The following PDE4DIP variants were observed in gnomAD, a reference collection of about 807,000 sequenced individuals.
PDE4DIP encodes the protein myomegalin.
Under a neutral mutation model 221.4 loss-of-function variants are expected in PDE4DIP, and 59 were observed. The observed-to-expected ratio is 0.27, with a 90% CI of 0.22 to 0.33. The LOEUF is 0.33. PDE4DIP is among the 10% of genes least tolerant of loss of function. PDE4DIP has a pLI of 1.00. For missense variants in PDE4DIP, 1,036 were observed against 2,154.2 expected, an observed-to-expected ratio of 0.48 and a Z score of 10.28; for synonymous variants, 404 against 815.9, an observed-to-expected ratio of 0.50 and a Z score of 8.60.
chr1:149,012,805 G>T (rs372563722), intron 32 of PDE4DIP, 29 bp downstream of exon 35: 3 of 1,412,382 alleles, frequency 2.1e-6, no homozygotes, highest in Admixed American at 3.7e-5. Context: ...GTGTGCTTGC[G>T]ATTGGCAGCC....
chr1:149,017,051 G>A (rs1226072676), intron 33 of PDE4DIP, among the ~76,000 whole-genome samples: 1 of 151,850 alleles, frequency 6.6e-6, no homozygotes, highest in African/African-American at 2.4e-5. Flanking sequence ...TAATTTTCAG[G>A]AAAAGACTGA....
At chr1:148,995,853 A>G (rs1422904714) in intron 22 of PDE4DIP, among the ~76,000 whole-genome samples, 2 of 149,644 alleles carry the variant, frequency 1.3e-5, no homozygotes. Context: ...CCTAAAACTT[A>G]AAGTATAATA....
rs1553604345 is a variant in PDE4DIP, at chr1:149,010,509, AG to A, written c.4999del (p.Ala1667LeufsTer103). The A allele has an allele frequency of 6.2e-7, 1 of 1,611,928 alleles. No homozygotes were observed. ...AAACCATCATCAACCAGTGCATCTC[AG>A]GGGGCTAAGGCCGAATCCAACAGCA... On this transcript the variant is annotated frameshift_variant, in exon 31 of 44. Coordinates refer to ENST00000369354, the Ensembl canonical transcript of PDE4DIP. LOFTEE classifies it high-confidence loss of function.
intron 2 of PDE4DIP, among the ~76,000 whole-genome samples, chr1:148,865,058 G>A (rs1425903966): frequency 3.6e-5 from 5 of 138,708 alleles, no homozygotes; most frequent in Non-Finnish European, 7.7e-5. Flanking sequence ...TCACCTAAAT[G>A]TGGAAGAAAT....
At chr1:148,971,120 G>A (rs1252719720) in intron 14 of PDE4DIP, among the ~76,000 whole-genome samples, 1 of 152,116 alleles carries the variant, frequency 6.6e-6, no homozygotes, top group Non-Finnish European at 1.5e-5. Context: ...GTCATCATCT[G>A]TCTTAGAAAA....
exon 20 of PDE4DIP, chr1:148,979,765 A>C (rs1553540587): frequency 1.2e-6 from 2 of 1,613,502 alleles, no homozygotes; most frequent in Non-Finnish European, 1.7e-6. Context: ...GGACTAGTAG[A>C]TGAACGGAGT....
intron 20 of PDE4DIP, among the ~76,000 whole-genome samples, chr1:148,980,477 A>C (rs2060903451): frequency 6.6e-6 from 1 of 152,188 alleles, no homozygotes; most frequent in African/African-American, 2.4e-5. Flanking sequence ...GGGATGGCTA[A>C]TATCATCCTG....
chr1:149,023,042 G>C (rs1274660136), intron 37 of PDE4DIP, among the ~76,000 whole-genome samples: 1 of 152,292 alleles, frequency 6.6e-6, no homozygotes, highest in Non-Finnish European at 1.5e-5. Flanking sequence ...AAATTCAAGA[G>C]TAGATTATTT....
At chr1:148,918,622 TAC>T (rs57116412) in intron 1 of PDE4DIP, among the ~76,000 whole-genome samples, 2,575 of 91,744 alleles carry the variant, frequency 0.028, 268 homozygotes, top group African/African-American at 0.081. Context: ...TCTCTCTCTC[TAC>T]ACACACACAC....
At chr1:148,983,154 T>G (rs587614292) in intron 21 of PDE4DIP, 10 of 152,246 alleles carry the variant, frequency 6.6e-5, no homozygotes, top group South Asian at 4.1e-4. Flanking sequence ...CAAAATTTTT[T>G]GTAACTTTCC....
chr1:148,859,946 CTG>C (rs1484162625), intron 1 of PDE4DIP, among the ~76,000 whole-genome samples: 4 of 91,544 alleles, frequency 4.4e-5, no homozygotes, highest in African/African-American at 1.8e-4. Flanking sequence ...GACTTATACT[CTG>C]TGTTTCTTCA....
At chr1:148,997,563 T>C (rs1165622138) in intron 22 of PDE4DIP, among the ~76,000 whole-genome samples, 1 of 152,152 alleles carries the variant, frequency 6.6e-6, no homozygotes, top group Non-Finnish European at 1.5e-5. Flanking sequence ...ATGAAATAGT[T>C]GGTGTTGTCT....
intron 37 of PDE4DIP, among the ~76,000 whole-genome samples, chr1:149,024,033 C>T (rs1209924384): frequency 6.6e-6 from 1 of 151,410 alleles, no homozygotes; most frequent in African/African-American, 2.4e-5. Flanking sequence ...TACCAAAAGA[C>T]CTCCTCCTTC....
intron 6 of PDE4DIP, 36 bp from the exon 10 acceptor site, chr1:148,961,801 T>C (rs370553682): frequency 3.6e-6 from 3 of 841,266 alleles, no homozygotes; most frequent in South Asian, 1.4e-5. Context: ...AAAGACATCA[T>C]TGACCTAAAA....
intron 21 of PDE4DIP, chr1:148,982,572 G>A (rs587600350): frequency 2.0e-5 from 3 of 152,294 alleles, no homozygotes; most frequent in African/African-American, 7.2e-5. Context: ...CTGATGTCTT[G>A]AATGTCAAGT....
At chr1:148,830,695 T>G (rs59481784) in intron 1 of PDE4DIP, among the ~76,000 whole-genome samples, 3,190 of 140,220 alleles carry the variant, frequency 0.023, 2 homozygotes, top group African/African-American at 0.081. Flanking sequence ...TTTGTCCTTG[T>G]GATAGTTTGC....
chr1:148,968,754 A>C lies in PDE4DIP; in HGVS notation c.1786-82A>C, dbSNP rs112611440. 3.8e-5 allele frequency: 28 copies of C among 732,122 alleles called. 1 individual carries two copies. Among genetic ancestry groups the C allele is most frequent in the African/African-American group, 3.3e-4 (19 of 57,298 alleles). 45.4% of individuals were successfully genotyped at this position (732,122 alleles called of 1,614,324 possible). On this transcript the variant is annotated intron_variant, in intron 13 of 43. Coordinates refer to ENST00000369354, the Ensembl canonical transcript of PDE4DIP. ...CAAGAATCTCACACCTCCTTCTTCT[A>C]TGATAGATTCTTATAAGCCCTTTGA... is the stretch of plus-strand genomic sequence containing the variant.
At chr1:148,998,833 C>T (rs1412528627) in intron 23 of PDE4DIP, among the ~76,000 whole-genome samples, 105 of 151,282 alleles carry the variant, frequency 6.9e-4, no homozygotes, top group African/African-American at 2.4e-3. Context: ...CTCCACCTCT[C>T]GGGTTCATGC....
chr1:148,951,641 C>T (rs1332455704), intron 5 of PDE4DIP, among the ~76,000 whole-genome samples: 7 of 151,498 alleles, frequency 4.6e-5, no homozygotes, highest in African/African-American at 1.7e-4. Context: ...TGGTAATCTA[C>T]TCGCGGCTGG....
Sources: allele counts gnomAD v4.1 joint callset (sites outside exome capture counted in the v4.1 genomes callset), GRCh38; gene constraint gnomAD v4.1.1; transcripts MANE v1.5; gene names NCBI Gene and HGNC (gene_info 2026-07-23, HGNC 2026-07-21).